The following KCNQ3 variants were observed in gnomAD, a reference collection of about 807,000 sequenced individuals.
KCNQ3 encodes the protein potassium voltage-gated channel subfamily KQT member 3.
In KCNQ3, 30 loss-of-function variants were observed where a neutral mutation model predicts 92.5. That is an observed-to-expected ratio of 0.32 (90% CI 0.24 to 0.44). KCNQ3 has a LOEUF of 0.44. Ranked by LOEUF, KCNQ3 falls within the 20% of genes least tolerant of loss-of-function variation. The probability of loss-of-function intolerance (pLI) is 1.00; values close to 1 mark genes in which losing one functional copy is unlikely to be tolerated. For synonymous variants in KCNQ3, 450 were observed against 468.8 expected (o/e 0.96, Z 0.52); for missense variants, 913 against 1,140.3 (o/e 0.80, Z 2.87).
At chr8:132,397,851 G>A (rs1426404067) in intron 1 of KCNQ3, among the ~76,000 whole-genome samples, 1 of 152,142 alleles carries the variant, frequency 6.6e-6, no homozygotes, top group African/African-American at 2.4e-5. Context: ...TTCATCTTCA[G>A]CTAAATGCCA....
rs1309507077 is a variant in KCNQ3 at position 132,129,599 on chromosome 8, T to C, written c.2282A>G (p.His761Arg). ...LTLLDSRVSCHSQADLQGPYS... is the reference protein window; with the variant it reads ...LTLLDSRVSCRSQADLQGPYS... The stretch of plus-strand genomic sequence containing the variant: ...GGGGCCCTGCAGGTCAGCCTGGGAG[T>C]GGCAGCTCACTCGGGAGTCGAGAAG... Residue 761 changes from histidine to arginine, a missense_variant, in exon 15 of 15, where the codon CAC (histidine) becomes CGC (arginine). This residue lies in a region of KCNQ3 where 375 missense variants were observed against 376.4 expected (regional missense o/e 1.00). Coordinates refer to ENST00000388996, the MANE Select transcript of KCNQ3 (RefSeq NM_004519.4). This position sits in a 1 kb window ranked among gnomAD's most constrained non-coding sequence, Gnocchi z 5.9. The C allele has an allele frequency of 1.2e-6, 2 of 1,613,624 alleles. No homozygotes were observed. The highest frequency in any genetic ancestry group is 1.1e-5 in the South Asian group (1 of 91,042).
At chr8:132,182,321 A>T (rs555996367) in intron 3 of KCNQ3, among the ~76,000 whole-genome samples, 6 of 152,298 alleles carry the variant, frequency 3.9e-5, no homozygotes, top group African/African-American at 1.2e-4. Flanking sequence ...ACCCATCTTC[A>T]CTCAAAATGG....
chr8:132,446,823 A>T (rs896054878), intron 1 of KCNQ3, among the ~76,000 whole-genome samples: 1 of 152,204 alleles, frequency 6.6e-6, no homozygotes, highest in Non-Finnish European at 1.5e-5. Flanking sequence ...GGCTTGTTAC[A>T]AGCAGGCTGC....
chr8:132,258,326 C>T (rs188460211), intron 1 of KCNQ3, among the ~76,000 whole-genome samples: 24 of 151,740 alleles, frequency 1.6e-4, no homozygotes, highest in East Asian at 1.9e-4. Context: ...CTAATGACAA[C>T]GTAATAAAAT....
intron 1 of KCNQ3, among the ~76,000 whole-genome samples, chr8:132,227,930 T>C (rs868205730): frequency 2.6e-5 from 4 of 152,128 alleles, no homozygotes; most frequent in Admixed American, 1.3e-4. Flanking sequence ...TACCAATTTT[T>C]TCAGATAATG....
At chr8:132,387,950 AAGG>A (rs1819932966) in intron 1 of KCNQ3, among the ~76,000 whole-genome samples, 1 of 151,786 alleles carries the variant, frequency 6.6e-6, no homozygotes, top group Non-Finnish European at 1.5e-5. Context: ...TGTGAAGAAG[AAGG>A]AGAAGAAGAA....
intron 9 of KCNQ3, among the ~76,000 whole-genome samples, chr8:132,158,142 T>C (rs1267714186): frequency 6.6e-6 from 1 of 152,148 alleles, no homozygotes; most frequent in East Asian, 1.9e-4. Context: ...GGGATAATGT[T>C]GCAGGGTCTG....
At chr8:132,336,560 G>T (rs1272183075) in intron 1 of KCNQ3, among the ~76,000 whole-genome samples, 1 of 152,162 alleles carries the variant, frequency 6.6e-6, no homozygotes, top group African/African-American at 2.4e-5. Flanking sequence ...GAATAACGGG[G>T]ATCTGAAGCC....
chr8:132,166,718 C>T (rs1826153920), intron 8 of KCNQ3, among the ~76,000 whole-genome samples: 1 of 152,172 alleles, frequency 6.6e-6, no homozygotes, highest in Admixed American at 6.5e-5. Flanking sequence ...CGTCATCCAT[C>T]ACTGCTAGCC....
intron 3 of KCNQ3, among the ~76,000 whole-genome samples, chr8:132,180,861 G>A (rs1472293189): frequency 1.4e-5 from 2 of 144,960 alleles, no homozygotes; most frequent in Admixed American, 6.7e-5. Context: ...CCAATGTTGG[G>A]GGTGTTATCA....
At chr8:132,356,235 T>C (rs1819014828) in intron 1 of KCNQ3, among the ~76,000 whole-genome samples, 1 of 152,144 alleles carries the variant, frequency 6.6e-6, no homozygotes, top group South Asian at 2.1e-4. Flanking sequence ...CCTTCAGCCA[T>C]CACGGAAGAA....
rs576834853 is a variant in KCNQ3, at chr8:132,212,104, T to C, written c.387-25923A>G. On this transcript the variant is annotated intron_variant, in intron 1 of 14. Coordinates refer to ENST00000388996, the MANE Select transcript of KCNQ3 (RefSeq NM_004519.4). ...GATTCACATTTTTTGCTACTTGCTG[T>C]AGTGCTAAACACAGAGCAGGTGCCC... Among the ~76,000 whole-genome samples the C allele has an allele frequency of 6.6e-5, 10 of 152,302 alleles. No homozygotes were observed. The South Asian group carries it at 2.1e-3, about 32-fold the overall frequency.
intron 1 of KCNQ3, among the ~76,000 whole-genome samples, chr8:132,242,639 T>G (rs942595705): frequency 1.3e-5 from 2 of 152,212 alleles, no homozygotes; most frequent in Non-Finnish European, 2.9e-5. Flanking sequence ...AAATATAAAT[T>G]CCATTACTAT....
chr8:132,214,197 C>T (rs1354421250), intron 1 of KCNQ3, among the ~76,000 whole-genome samples: 1 of 152,168 alleles, frequency 6.6e-6, no homozygotes, highest in African/African-American at 2.4e-5. Context: ...CTCCTGGTAA[C>T]TGAATAATTT....
At chr8:132,200,438 A>G (rs1827424813) in intron 1 of KCNQ3, among the ~76,000 whole-genome samples, 2 of 151,304 alleles carry the variant, frequency 1.3e-5, no homozygotes, top group Admixed American at 6.6e-5. Flanking sequence ...AAGTTTGCCA[A>G]CTTCTGATGT....
chr8:132,162,918 C>T (rs1826032415), intron 9 of KCNQ3, among the ~76,000 whole-genome samples: 1 of 152,056 alleles, frequency 6.6e-6, no homozygotes, highest in Admixed American at 6.6e-5. Flanking sequence ...CAATAATAAT[C>T]GTTTAAAAAT....
chr8:132,373,714 T>G (rs1397943373), intron 1 of KCNQ3, among the ~76,000 whole-genome samples: 1 of 152,002 alleles, frequency 6.6e-6, no homozygotes, highest in African/African-American at 2.4e-5. Flanking sequence ...TGCTCTTCTC[T>G]CCCACTGGAC....
chr8:132,450,115 A>T (rs1006040137), intron 1 of KCNQ3, among the ~76,000 whole-genome samples: 2 of 152,206 alleles, frequency 1.3e-5, no homozygotes, highest in Non-Finnish European at 2.9e-5. Flanking sequence ...AAGCTTCCAC[A>T]GCATGGAAGG....
intron 1 of KCNQ3, among the ~76,000 whole-genome samples, chr8:132,319,952 G>T (rs1817853358): frequency 6.6e-6 from 1 of 152,176 alleles, no homozygotes; most frequent in Non-Finnish European, 1.5e-5. Flanking sequence ...CAGCACCTAT[G>T]GTGGCTAGCC....
Sources: gnomAD v4.1 joint callset for allele counts (sites outside exome capture counted in the v4.1 genomes callset) on GRCh38, gnomAD v4.1.1 for gene constraint, gnomAD v4.1.1 regional missense constraint, Gnocchi (gnomAD v3.1) non-coding constraint, MANE v1.5 for transcripts, NCBI Gene and HGNC (gene_info 2026-07-23, HGNC 2026-07-21) for gene names.